The following SDK1 variants were observed in gnomAD, a reference collection of about 807,000 sequenced individuals.
SDK1 encodes sidekick cell adhesion molecule 1, also known as protein sidekick-1.
Under a neutral mutation model 245.5 loss-of-function variants are expected in SDK1, and 157 were observed. The observed-to-expected ratio is 0.64, with a 90% CI of 0.56 to 0.73. The LOEUF (loss-of-function observed/expected upper bound fraction) is 0.73, where lower values mean the gene tolerates loss of function less well. Among genes scored for constraint, SDK1 ranks in the 30% least tolerant of loss-of-function variants. The pLI is 0.00. For synonymous variants in SDK1, 1,647 were observed against 1,278.5 expected, an observed-to-expected ratio of 1.29 and a Z score of -6.15; for missense variants, 3,583 against 3,002.3, an observed-to-expected ratio of 1.19 and a Z score of -4.52.
intron 20 of SDK1, among the ~76,000 whole-genome samples, chr7:4,073,968 G>T (rs1780447933): frequency 6.6e-6 from 1 of 152,172 alleles, no homozygotes; most frequent in African/African-American, 2.4e-5. Context: ...CTATGGGGTG[G>T]GGCGGGGGAG....
At chr7:3,459,221 C>T (rs115040209) in intron 1 of SDK1, among the ~76,000 whole-genome samples, 1 of 152,126 alleles carries the variant, frequency 6.6e-6, no homozygotes, top group African/African-American at 2.4e-5. Flanking sequence ...GTACCTTGTT[C>T]ATTTCATAGG....
chr7:3,560,522 T>C (rs1779714796), intron 1 of SDK1, among the ~76,000 whole-genome samples: 1 of 152,202 alleles, frequency 6.6e-6, no homozygotes, highest in South Asian at 2.1e-4. Context: ...CCATTCCTAC[T>C]ACTGCTACCA....
intron 4 of SDK1, among the ~76,000 whole-genome samples, chr7:3,689,629 A>C (rs1784388565): frequency 6.6e-6 from 1 of 152,254 alleles, no homozygotes; most frequent in African/African-American, 2.4e-5. Context: ...ACTACTGGTG[A>C]AATTTTGAAC....
At chr7:3,713,343 C>A (rs1214265438) in intron 4 of SDK1, among the ~76,000 whole-genome samples, 1 of 152,090 alleles carries the variant, frequency 6.6e-6, no homozygotes, top group Admixed American at 6.6e-5. Flanking sequence ...TACAGAAATC[C>A]TATTCCTCAA....
intron 1 of SDK1, among the ~76,000 whole-genome samples, chr7:3,375,450 C>A (rs1781330912): frequency 6.6e-6 from 1 of 152,114 alleles, no homozygotes; most frequent in Admixed American, 6.5e-5. Flanking sequence ...GTGATCATTG[C>A]CTTGTAGTAT....
At chr7:3,314,765 A>C (rs1562407712) in intron 1 of SDK1, among the ~76,000 whole-genome samples, 1 of 152,192 alleles carries the variant, frequency 6.6e-6, no homozygotes, top group Non-Finnish European at 1.5e-5. Context: ...AAATATTATA[A>C]TCTAGTGTTT....
At chr7:3,622,545 C>G (rs1033801187) in intron 2 of SDK1, among the ~76,000 whole-genome samples, 2 of 152,156 alleles carry the variant, frequency 1.3e-5, no homozygotes, top group African/African-American at 4.8e-5. Flanking sequence ...GTACAAAAAA[C>G]TGTTATATAT....
chr7:3,795,309 T>C (rs1778935520), intron 4 of SDK1, among the ~76,000 whole-genome samples: 1 of 152,198 alleles, frequency 6.6e-6, no homozygotes, highest in South Asian at 2.1e-4. Context: ...TGTAAATTAA[T>C]GCCACTTGGC....
intron 22 of SDK1, among the ~76,000 whole-genome samples, chr7:4,108,880 A>G (rs900045441): frequency 1.3e-5 from 2 of 152,168 alleles, no homozygotes; most frequent in African/African-American, 4.8e-5. Context: ...TTCTGTCTCA[A>G]TGGATGGAAA....
At chr7:3,899,175 C>T (rs1781699284) in intron 5 of SDK1, among the ~76,000 whole-genome samples, 1 of 152,132 alleles carries the variant, frequency 6.6e-6, no homozygotes, top group South Asian at 2.1e-4. Flanking sequence ...AGTTGTTCAC[C>T]CTCCCTGATC....
chr7:3,667,388 G>C (rs1783566383), intron 4 of SDK1, among the ~76,000 whole-genome samples: 1 of 152,154 alleles, frequency 6.6e-6, no homozygotes, highest in East Asian at 1.9e-4. Flanking sequence ...TCATGGAAAA[G>C]TCTTCCTCCC....
intron 38 of SDK1, among the ~76,000 whole-genome samples, chr7:4,213,934 C>G (rs1584461219): frequency 6.6e-6 from 1 of 152,160 alleles, no homozygotes; most frequent in African/African-American, 2.4e-5. Flanking sequence ...CACAGGCACC[C>G]CCCAGGTATA....
chr7:3,988,317 A>C lies in SDK1; in HGVS notation c.2131+995A>C, dbSNP rs1291800307. ...CAGTCCTATCAGTCTGTTAACTAGG[A>C]TTCTGATCCCTTTCCTCTCTGCCTC... On this transcript the variant is annotated intron_variant, in intron 14 of 44. Transcript: ENST00000404826. 1.1e-4 allele frequency among the ~76,000 whole-genome samples: 16 copies of C among 151,258 alleles called. 1 individual carries two copies. The highest frequency in any genetic ancestry group is 1.1e-3 in the Admixed American group (16 of 15,174).
intron 14 of SDK1, among the ~76,000 whole-genome samples, chr7:4,005,032 C>T (rs1278909876): frequency 6.9e-6 from 1 of 145,018 alleles, no homozygotes; most frequent in East Asian, 2.0e-4. Flanking sequence ...TTAATTGGTT[C>T]CTGCACCTTT....
intron 4 of SDK1, among the ~76,000 whole-genome samples, chr7:3,724,577 G>A (rs1778953786): frequency 6.6e-6 from 1 of 152,260 alleles, no homozygotes; most frequent in East Asian, 1.9e-4. Context: ...GTACTAGGTC[G>A]ACTATTAACA....
intron 16 of SDK1, among the ~76,000 whole-genome samples, chr7:4,012,594 A>G (rs932795616): frequency 2.0e-4 from 6 of 30,466 alleles, no homozygotes; most frequent in Non-Finnish European, 4.4e-4. Flanking sequence ...TTTTTTTTTG[A>G]TGGAGTTTCT....
At position 3,621,492 on chromosome 7, in the gene SDK1, G is replaced by A. The variant is rs189511280; in HGVS notation, c.458+2253G>A. The stretch of plus-strand genomic sequence containing the variant: ...AGATTGTTCTTCCTAATAAGAAGTA[G>A]GCATGATGTGGACAGTGTGTGACAG... On this transcript the variant is annotated intron_variant, in intron 2 of 44. Coordinates refer to ENST00000404826, the MANE Select transcript of SDK1 (RefSeq NM_152744.4). 2.8e-3 allele frequency among the ~76,000 whole-genome samples: 425 copies of A among 152,332 alleles called. 1 individual carries two copies. Among genetic ancestry groups the A allele is most frequent in the Non-Finnish European group, 4.6e-3 (315 of 68,032 alleles).
rs559214158 is a variant in SDK1, at chr7:4,146,736, C to T, written c.4423+820C>T. Among the ~76,000 whole-genome samples the T allele has an allele frequency of 4.7e-4, 72 of 152,356 alleles. No individual in the cohort carries two copies. The Middle Eastern group carries it at 0.01, about 22-fold the overall frequency. ...TAACTGCCTTCCCAATGAGAACTGC[C>T]GGGCGAGCAGGGCTCTGCTCCACGC... On this transcript the variant is annotated intron_variant, in intron 29 of 44. Coordinates refer to ENST00000404826, the MANE Select transcript of SDK1 (RefSeq NM_152744.4).
intron 4 of SDK1, among the ~76,000 whole-genome samples, chr7:3,645,037 G>A (rs1385406164): frequency 6.6e-6 from 1 of 152,088 alleles, no homozygotes; most frequent in Non-Finnish European, 1.5e-5. Flanking sequence ...CAACTTAGCA[G>A]CAAATAAGTC....
Sources: gnomAD v4.1 joint callset for allele counts (sites outside exome capture counted in the v4.1 genomes callset) on GRCh38, gnomAD v4.1.1 for gene constraint, MANE v1.5 for transcripts, NCBI Gene and HGNC (gene_info 2026-07-23, HGNC 2026-07-21) for gene names.